The following NUBPL variants were observed in gnomAD, a reference collection of about 807,000 sequenced individuals.
NUBPL encodes the protein NUBP iron-sulfur cluster assembly factor, mitochondrial.
A neutral mutation model predicts 45.7 loss-of-function variants in NUBPL; 31 were observed. The ratio of observed to expected loss-of-function variants is 0.68; its 90% CI spans 0.51 to 0.92. NUBPL has a LOEUF of 0.92. NUBPL is among the 40% of genes least tolerant of loss of function. NUBPL has a pLI of 0.00. For synonymous variants in NUBPL, 144 were observed against 140.9 expected (o/e 1.02, Z -0.15); for missense variants, 401 against 398.7 (o/e 1.01, Z -0.05).
At chr14:31,768,527 C>G (rs59002501) in intron 6 of NUBPL, among the ~76,000 whole-genome samples, 1 of 152,062 alleles carries the variant, frequency 6.6e-6, no homozygotes, top group Non-Finnish European at 1.5e-5. Context: ...TGCTTAACTA[C>G]CAGTCCTTTG....
chr14:31,833,514 T>G (rs1384332155), intron 8 of NUBPL, among the ~76,000 whole-genome samples: 3 of 152,208 alleles, frequency 2.0e-5, no homozygotes, highest in African/African-American at 7.2e-5. Context: ...AATTCTGCAT[T>G]ATTTGAAATT....
intron 3 of NUBPL, among the ~76,000 whole-genome samples, chr14:31,578,561 A>G (rs1185022344): frequency 6.6e-6 from 1 of 152,240 alleles, no homozygotes. Context: ...AAGAACCTTT[A>G]TATATTGCTG....
intron 6 of NUBPL, among the ~76,000 whole-genome samples, chr14:31,710,216 T>A (rs182030027): frequency 1.3e-5 from 2 of 152,298 alleles, no homozygotes; most frequent in Admixed American, 1.3e-4. Flanking sequence ...AGCCTGTTGA[T>A]GCCTGAGTGT....
At chr14:31,578,167 G>A (rs996233847) in intron 3 of NUBPL, 1 of 449,156 alleles carries the variant, frequency 2.2e-6, no homozygotes. Context: ...TTTTAGGTAA[G>A]GGAGTTTATA....
chr14:31,650,922 G>T (rs1382537435), intron 4 of NUBPL, among the ~76,000 whole-genome samples: 1 of 152,050 alleles, frequency 6.6e-6, no homozygotes, highest in Non-Finnish European at 1.5e-5. Flanking sequence ...AAGGTGCCAG[G>T]CTCTTTTTTA....
intron 4 of NUBPL, among the ~76,000 whole-genome samples, chr14:31,666,261 A>AT (rs764274831): frequency 0.049 from 4,450 of 90,566 alleles, 361 homozygotes; most frequent in African/African-American, 0.21. Context: ...ATATATATAT[A>AT]TAATTTTATT....
At chr14:31,628,132 T>A (rs926821098) in intron 4 of NUBPL, among the ~76,000 whole-genome samples, 22 of 152,174 alleles carry the variant, frequency 1.4e-4, no homozygotes, top group Non-Finnish European at 2.1e-4. Flanking sequence ...GAAGAATATT[T>A]TAATAGCCTT....
At chr14:31,828,792 T>TA (rs1256322256) in intron 8 of NUBPL, among the ~76,000 whole-genome samples, 1 of 152,186 alleles carries the variant, frequency 6.6e-6, no homozygotes. Flanking sequence ...CGTGGATACT[T>TA]AATCTCATAC....
intron 6 of NUBPL, among the ~76,000 whole-genome samples, chr14:31,699,952 A>G (rs1259017678): frequency 2.0e-5 from 3 of 152,222 alleles, no homozygotes; most frequent in African/African-American, 7.2e-5. Flanking sequence ...AAATTTTAAA[A>G]TGTTAAGTAT....
Position 31,562,123 on chromosome 14 carries a change from G to A in NUBPL, c.164G>A (p.Arg55Gln), listed in dbSNP as rs757085009. ...CAAAGAAGAACACAAATCATGTCCC[G>A]AGGACTTCCAAAGCAGAAACCGATA... ...LKQRRTQIMS[R>Q]GLPKQKPIEG... is the part of the protein sequence containing the mutation. The change falls in exon 2 of 11, where the codon CGA becomes CAA. Residue 55 changes from arginine to glutamine, a missense_variant. Physicochemically the swap from Arg to Gln is conservative, Grantham distance 43 (BLOSUM62 1). Coordinates refer to ENST00000281081, the MANE Select transcript of NUBPL (RefSeq NM_025152.3). 1.2e-6 allele frequency: 2 copies of A among 1,613,550 alleles called. No homozygotes were observed. The highest frequency in any genetic ancestry group is 2.2e-5 in the South Asian group (2 of 91,006).
rs557615299 is a variant in NUBPL, at chr14:31,698,310, CT to C, written c.513+24739del. On this transcript the variant is annotated intron_variant, in intron 6 of 10. Coordinates refer to ENST00000281081, the MANE Select transcript of NUBPL (RefSeq NM_025152.3). ...AATACTGATTGAATTGTATTCCCAT[CT>C]TTGCCGTCATTGCTGCAGAGCGATT... 9.3e-5 allele frequency among the ~76,000 whole-genome samples: 14 copies of C among 150,166 alleles called. No individual in the cohort carries two copies. The East Asian group carries it at 2.7e-3, about 29-fold the overall frequency.
At chr14:31,638,185 G>A (rs1228207274) in intron 4 of NUBPL, among the ~76,000 whole-genome samples, 4 of 152,108 alleles carry the variant, frequency 2.6e-5, no homozygotes, top group East Asian at 1.9e-4. Flanking sequence ...TCCTAGTCTC[G>A]ATGGTCTTTA....
intron 6 of NUBPL, among the ~76,000 whole-genome samples, chr14:31,761,078 A>C (rs1004244964): frequency 2.6e-5 from 4 of 152,212 alleles, no homozygotes; most frequent in African/African-American, 7.2e-5. Flanking sequence ...TACACTTTGT[A>C]AGTAGTTTTA....
chr14:31,711,895 C>T (rs377747154), intron 6 of NUBPL, among the ~76,000 whole-genome samples: 34 of 152,126 alleles, frequency 2.2e-4, no homozygotes, highest in African/African-American at 6.7e-4. Context: ...TTGTTCCTCC[C>T]GTCTGGAGTT....
chr14:31,623,542 A>G (rs1345059985), intron 4 of NUBPL, among the ~76,000 whole-genome samples: 1 of 152,180 alleles, frequency 6.6e-6, no homozygotes, highest in Non-Finnish European at 1.5e-5. Flanking sequence ...TGATTGGATC[A>G]TGCGGGATCC....
chr14:31,648,206 A>G (rs1186606396), intron 4 of NUBPL, among the ~76,000 whole-genome samples: 2 of 152,254 alleles, frequency 1.3e-5, no homozygotes, highest in African/African-American at 4.8e-5. Context: ...GAATCTGACT[A>G]TGGTGTACAG....
intron 7 of NUBPL, among the ~76,000 whole-genome samples, chr14:31,808,843 T>G (rs553170305): frequency 6.6e-6 from 1 of 152,344 alleles, no homozygotes; most frequent in South Asian, 2.1e-4. Flanking sequence ...TTGAATTTTG[T>G]CAAAGGCCTT....
chr14:31,846,752 C>A (rs1190599755), intron 9 of NUBPL, among the ~76,000 whole-genome samples, 161 bp downstream of exon 9: 2 of 152,026 alleles, frequency 1.3e-5, no homozygotes, highest in African/African-American at 4.8e-5. Context: ...GTCAGGAGAT[C>A]GAGACCATCC....
chr14:31,636,723 A>G (rs2035514039), intron 4 of NUBPL, among the ~76,000 whole-genome samples: 2 of 152,036 alleles, frequency 1.3e-5, no homozygotes, highest in Non-Finnish European at 2.9e-5. Flanking sequence ...CTGGTCCTGG[A>G]GTCTTTTTAG....
Sources: gnomAD v4.1 joint callset for allele counts (sites outside exome capture counted in the v4.1 genomes callset) on GRCh38, gnomAD v4.1.1 for gene constraint, MANE v1.5 for transcripts, NCBI Gene and HGNC (gene_info 2026-07-23, HGNC 2026-07-21) for gene names.